GSE1: variants seen among roughly 807,000 people sequenced by gnomAD.
GSE1 encodes the protein Gse1 coiled-coil protein, also known as genetic suppressor element 1.
Under a neutral mutation model 112.6 loss-of-function variants are expected in GSE1, and 32 were observed. That is an observed-to-expected ratio of 0.28 (90% confidence interval 0.21 to 0.38). GSE1 has a LOEUF of 0.38. GSE1 is among the 10% of genes least tolerant of loss of function. GSE1 has a pLI of 1.00. For missense variants in GSE1, 2,348 were observed against 1,699.2 expected (o/e 1.38, Z -6.71); for synonymous variants, 1,115 against 735.6 (o/e 1.52, Z -8.35).
rs150849159 is a variant in GSE1, at chr16:85,508,690, C to T, written c.2465-125224C>T. The stretch of plus-strand genomic sequence containing the variant: ...AGATACAGCCTCGGAGGGGAGGCTG[C>T]TGCTTGTGCTCAGTATGCTGGTGGA... On this transcript the variant is annotated intron_variant, in intron 2 of 2. Transcript: ENST00000637419. Among the ~76,000 whole-genome samples the T allele has an allele frequency of 1.5e-3, 221 of 152,344 alleles. 2 individuals carry two copies. Among genetic ancestry groups the T allele is most frequent in the African/African-American group, 5.0e-3 (207 of 41,590 alleles).
At chr16:85,639,258 C>T (rs948455220) in intron 2 of GSE1, among the ~76,000 whole-genome samples, 12 of 152,226 alleles carry the variant, frequency 7.9e-5, no homozygotes, top group East Asian at 1.9e-4. Flanking sequence ...CCAGACTCCT[C>T]GGGTGGCACC....
chr16:85,247,803 G>T (rs1220698614), intron 1 of GSE1, among the ~76,000 whole-genome samples: 1 of 152,212 alleles, frequency 6.6e-6, no homozygotes, highest in Non-Finnish European at 1.5e-5. Context: ...GACATGCCAG[G>T]GGGCTGGTCT....
At position 85,249,511 on chromosome 16, in the gene GSE1, G is replaced by A. The variant is rs566126159; in HGVS notation, c.2283+77704G>A. Among the ~76,000 whole-genome samples, 1,046 of 152,304 alleles carry A rather than the reference G, an allele frequency of 6.9e-3. 4 individuals are homozygous for A. The highest frequency in any genetic ancestry group is 0.011 in the Non-Finnish European group (769 of 68,020). ...GATGCCAGCCAGAGCTCTGGGTTCC[G>A]GGGGCGCGCCTCTCTCCAAAGGCTG... On this transcript the variant is annotated intron_variant, in intron 1 of 2. Coordinates refer to the GSE1 transcript ENST00000637419.
intron 1 of GSE1, among the ~76,000 whole-genome samples, chr16:85,573,951 G>A (rs1384987137): frequency 6.6e-6 from 1 of 152,230 alleles, no homozygotes; most frequent in African/African-American, 2.4e-5. Context: ...AATTTCAGGA[G>A]AACTCGGGCA....
intron 2 of GSE1, among the ~76,000 whole-genome samples, chr16:85,388,296 A>ATGGG (rs1411652577): frequency 6.0e-5 from 1 of 16,628 alleles, no homozygotes; most frequent in Admixed American, 4.9e-4. Flanking sequence ...GGGTGGGTGG[A>ATGGG]TGGATGGATG....
At chr16:85,320,745 G>C (rs1236308672) in intron 1 of GSE1, among the ~76,000 whole-genome samples, 1 of 152,164 alleles carries the variant, frequency 6.6e-6, no homozygotes, top group Non-Finnish European at 1.5e-5. Context: ...CATTGCACTT[G>C]TTCTCCCAAG....
At chr16:85,319,892 CAT>C (rs1423100204) in intron 1 of GSE1, among the ~76,000 whole-genome samples, 1 of 152,242 alleles carries the variant, frequency 6.6e-6, no homozygotes, top group African/African-American at 2.4e-5. Context: ...GCCTGGCAAA[CAT>C]AAGGTGCTCA....
chr16:85,173,463 T>C (rs1225795382), intron 1 of GSE1, among the ~76,000 whole-genome samples: 1 of 152,222 alleles, frequency 6.6e-6, no homozygotes, highest in Non-Finnish European at 1.5e-5. Flanking sequence ...GAGGGTCAGA[T>C]GCTTGACATA....
intron 2 of GSE1, among the ~76,000 whole-genome samples, chr16:85,432,757 T>C (rs1372430809): frequency 6.6e-6 from 1 of 152,144 alleles, no homozygotes; most frequent in Non-Finnish European, 1.5e-5. Context: ...ATGCCCCCAG[T>C]TGACAGATAG....
chr16:85,352,141 G>T (rs1404503678), intron 1 of GSE1, among the ~76,000 whole-genome samples: 2 of 152,184 alleles, frequency 1.3e-5, no homozygotes, highest in Non-Finnish European at 2.9e-5. Context: ...GAGCAGGGAT[G>T]TGGCGTCTGT....
At chr16:85,468,162 G>C (rs1184894283) in intron 2 of GSE1, among the ~76,000 whole-genome samples, 3 of 140,738 alleles carry the variant, frequency 2.1e-5, no homozygotes, top group Non-Finnish European at 4.6e-5. Context: ...TTCTGTACTT[G>C]GGGTTCCTTG....
rs574145401 is a variant in GSE1 at position 85,595,781 on chromosome 16, C to T, written c.37+39418C>T. The T allele has an allele frequency of 5.3e-5, 8 of 150,128 alleles. No individual in the cohort carries two copies. The East Asian group carries it at 1.4e-3, about 26-fold the overall frequency. 9.3% of individuals were successfully genotyped at this position (150,128 alleles called of 1,614,324 possible). On this transcript the variant is annotated intron_variant, in intron 1 of 2. Transcript: ENST00000635906. ...TCATCCACCCAACCATCTATCCATCCATCCCTCTATCCATCCATTCCCCCA... is the reference window on the plus strand; with the variant it reads ...TCATCCACCCAACCATCTATCCATCTATCCCTCTATCCATCCATTCCCCCA...
At chr16:85,398,910 A>C (rs2048027808) in intron 2 of GSE1, among the ~76,000 whole-genome samples, 1 of 152,144 alleles carries the variant, frequency 6.6e-6, no homozygotes, top group African/African-American at 2.4e-5. Flanking sequence ...GTAGACATGT[A>C]TAATGCATGT....
chr16:85,519,860 C>T (rs1196352847), intron 2 of GSE1, among the ~76,000 whole-genome samples: 1 of 152,194 alleles, frequency 6.6e-6, no homozygotes, highest in African/African-American at 2.4e-5. Context: ...CTTCCTGAGA[C>T]TGGTGCTCTG....
rs114610786 is a variant in GSE1, at chr16:85,258,989, T to C, written c.2283+87182T>C. Among the ~76,000 whole-genome samples, 929 of 152,198 alleles carry C rather than the reference T, an allele frequency of 6.1e-3. 8 individuals carry two copies. Among genetic ancestry groups the C allele is most frequent in the African/African-American group, 0.021 (881 of 41,532 alleles). ...CTGGGGGCTGAGCTTCTGGGAGGCT[T>C]CTTCTGGGAGGCCCCCAGGAGCTGC... On this transcript the variant is annotated intron_variant, in intron 1 of 2. Coordinates refer to the GSE1 transcript ENST00000637419.
intron 1 of GSE1, among the ~76,000 whole-genome samples, chr16:85,235,215 C>G (rs1290868032): frequency 6.6e-6 from 1 of 152,026 alleles, no homozygotes; most frequent in Non-Finnish European, 1.5e-5. Context: ...AGGAAACATC[C>G]AATAAAACAA....
At chr16:85,469,391 C>A (rs552324489) in intron 2 of GSE1, among the ~76,000 whole-genome samples, 3 of 152,080 alleles carry the variant, frequency 2.0e-5, no homozygotes, top group Non-Finnish European at 4.4e-5. Flanking sequence ...AGCCAGGATG[C>A]GCTGGCGCCC....
rs935729865 is a variant in GSE1, at chr16:85,490,115, C to G, written c.2464+132472C>G. ...TGTTATGGTGGGCCCTGGAGACATA[C>G]AGGTGGGGGTGGTGGCAGATACCTG... is the stretch of plus-strand genomic sequence containing the variant. On this transcript the variant is annotated intron_variant, in intron 2 of 2. Coordinates refer to the GSE1 transcript ENST00000637419. 2.0e-5 allele frequency: 3 copies of G among 152,432 alleles called. No individual in the cohort carries two copies. The South Asian group carries it at 6.2e-4, about 32-fold the overall frequency. 9.4% of individuals were successfully genotyped at this position (152,432 alleles called of 1,614,324 possible).
At chr16:85,225,218 G>A (rs977963372) in intron 1 of GSE1, among the ~76,000 whole-genome samples, 5 of 152,180 alleles carry the variant, frequency 3.3e-5, no homozygotes, top group African/African-American at 1.2e-4. Context: ...CATACACAAA[G>A]CTGAAGACAC....
Sources: gnomAD v4.1 joint callset for allele counts (sites outside exome capture counted in the v4.1 genomes callset) on GRCh38, gnomAD v4.1.1 for gene constraint, MANE v1.5 for transcripts, NCBI Gene and HGNC (gene_info 2026-07-23, HGNC 2026-07-21) for gene names.